CHRM3: variants seen among roughly 807,000 people sequenced by gnomAD.
CHRM3 encodes the protein muscarinic acetylcholine receptor M3.
CHRM3 carries 11 observed loss-of-function variants against 41.8 expected under a neutral mutation model. The observed-to-expected ratio is 0.26, with a 90% CI of 0.17 to 0.44. The LOEUF (loss-of-function observed/expected upper bound fraction) is 0.44, where lower values mean the gene tolerates loss of function less well. Among genes scored for constraint, CHRM3 ranks in the 20% least tolerant of loss-of-function variants. CHRM3 has a pLI of 1.00. For synonymous variants in CHRM3, 297 were observed against 301.4 expected (o/e 0.99, Z 0.15); for missense variants, 571 against 745.4 (o/e 0.77, Z 2.72).
chr1:239,703,007 G>A (rs1180681359), intron 5 of CHRM3, among the ~76,000 whole-genome samples: 4 of 152,128 alleles, frequency 2.6e-5, no homozygotes, highest in Non-Finnish European at 4.4e-5. Flanking sequence ...GTCAGATATT[G>A]TTAAAATTAA....
intron 5 of CHRM3, among the ~76,000 whole-genome samples, chr1:239,749,197 G>A (rs1240998403): frequency 6.6e-6 from 1 of 152,180 alleles, no homozygotes; most frequent in Non-Finnish European, 1.5e-5. Flanking sequence ...TTTAACCCTT[G>A]ACAACTTTGA....
chr1:239,677,342 A>G (rs769013287), intron 4 of CHRM3, among the ~76,000 whole-genome samples: 1 of 152,256 alleles, frequency 6.6e-6, no homozygotes, highest in African/African-American at 2.4e-5. Flanking sequence ...ACTTGTTGCC[A>G]TGAAATAAGT....
chr1:239,708,111 G>C (rs1661365626), intron 5 of CHRM3, among the ~76,000 whole-genome samples: 1 of 152,172 alleles, frequency 6.6e-6, no homozygotes, highest in Admixed American at 6.5e-5. Flanking sequence ...ATAATTGAGG[G>C]TGTGTAATAA....
intron 4 of CHRM3, among the ~76,000 whole-genome samples, chr1:239,658,832 G>A (rs1026350220): frequency 4.0e-5 from 6 of 151,560 alleles, no homozygotes; most frequent in Admixed American, 2.0e-4. Context: ...TCCACCTCCC[G>A]GGTTCAAGCG....
chr1:239,895,847 T>C (rs1678956022), intron 6 of CHRM3, among the ~76,000 whole-genome samples: 1 of 152,128 alleles, frequency 6.6e-6, no homozygotes, highest in African/African-American at 2.4e-5. Flanking sequence ...AGGGAAAGGA[T>C]TGAAAATCTC....
At chr1:239,761,168 A>G (rs1376983938) in intron 5 of CHRM3, among the ~76,000 whole-genome samples, 4 of 152,154 alleles carry the variant, frequency 2.6e-5, no homozygotes, top group Non-Finnish European at 5.9e-5. Flanking sequence ...AAAATATGCT[A>G]TTAATCCAAG....
In CHRM3 at chr1:239,444,151, A is replaced by G. The variant is rs1663945766; in HGVS notation, c.-520-48558A>G. 2.6e-5 allele frequency among the ~76,000 whole-genome samples: 4 copies of G among 152,154 alleles called. No homozygotes were observed. In the South Asian group the frequency reaches 8.3e-4, roughly 32 times the overall value. On this transcript the variant is annotated intron_variant, in intron 1 of 6. Coordinates refer to ENST00000676153, the MANE Select transcript of CHRM3 (RefSeq NM_001375978.1). ...TAAGGACCCTGCCTTAGTCATGAGG[A>G]AAACGCCCGAGGCTGGCTGTGGGTC...
At chr1:239,788,555 C>T (rs192967298) in intron 5 of CHRM3, among the ~76,000 whole-genome samples, 97 of 152,136 alleles carry the variant, frequency 6.4e-4, no homozygotes, top group Middle Eastern at 3.4e-3. Context: ...TCCTTGAGGT[C>T]GGGAGTTCCA....
At chr1:239,703,224 T>C (rs1660848366) in intron 5 of CHRM3, 1 of 152,208 alleles carries the variant, frequency 6.6e-6, no homozygotes, top group African/African-American at 2.4e-5. Flanking sequence ...CTAAGTTGTC[T>C]GGAGATTGCA....
chr1:239,454,422 G>A (rs906548320), intron 1 of CHRM3, among the ~76,000 whole-genome samples: 16 of 152,070 alleles, frequency 1.1e-4, no homozygotes, highest in Admixed American at 4.6e-4. Flanking sequence ...CCCTCTCCAG[G>A]CGAGCCACCT....
intron 1 of CHRM3, among the ~76,000 whole-genome samples, chr1:239,388,949 G>T (rs556883565): frequency 2.0e-5 from 3 of 152,178 alleles, no homozygotes; most frequent in African/African-American, 4.8e-5. Flanking sequence ...GAAATATAAC[G>T]TTCGCTTAAT....
chr1:239,423,971 C>T (rs896815285), intron 1 of CHRM3, among the ~76,000 whole-genome samples: 17 of 147,958 alleles, frequency 1.1e-4, no homozygotes, highest in Admixed American at 1.4e-4. Flanking sequence ...AGGAGAATGG[C>T]GTGAACCCAG....
chr1:239,695,862 C>T (rs573841657), intron 5 of CHRM3, among the ~76,000 whole-genome samples: 19 of 152,174 alleles, frequency 1.2e-4, no homozygotes, highest in East Asian at 9.6e-4. Context: ...TTGGGGAATA[C>T]GCTCAAAAAT....
chr1:239,390,564 C>T (rs990432924), intron 1 of CHRM3, among the ~76,000 whole-genome samples: 5 of 151,416 alleles, frequency 3.3e-5, no homozygotes, highest in Non-Finnish European at 7.4e-5. Flanking sequence ...CCACCCTCCA[C>T]GGAGAGGGTG....
intron 3 of CHRM3, among the ~76,000 whole-genome samples, chr1:239,585,246 T>G (rs972863980): frequency 6.6e-6 from 1 of 152,102 alleles, no homozygotes; most frequent in Non-Finnish European, 1.5e-5. Flanking sequence ...CCTTCCTTTC[T>G]CTTGTGATTA....
intron 4 of CHRM3, among the ~76,000 whole-genome samples, chr1:239,649,510 A>C (rs1672051545): frequency 2.0e-5 from 3 of 152,248 alleles, no homozygotes; most frequent in African/African-American, 4.8e-5. Context: ...CAGTTGATAC[A>C]GATGACCTCA....
At chr1:239,484,732 G>A (rs980462951) in intron 1 of CHRM3, among the ~76,000 whole-genome samples, 2 of 152,098 alleles carry the variant, frequency 1.3e-5, no homozygotes, top group Non-Finnish European at 1.5e-5. Flanking sequence ...GTGAAACATG[G>A]GAACAGGACA....
At chr1:239,526,620 C>A (rs1216309475) in intron 2 of CHRM3, among the ~76,000 whole-genome samples, 1 of 152,122 alleles carries the variant, frequency 6.6e-6, no homozygotes, top group Non-Finnish European at 1.5e-5. Context: ...CTATTAAGTG[C>A]AAATGAATGC....
chr1:239,874,160 C>G (rs2149334563), intron 6 of CHRM3, among the ~76,000 whole-genome samples: 1 of 151,000 alleles, frequency 6.6e-6, no homozygotes, highest in South Asian at 2.1e-4. Context: ...TCCATTTGAA[C>G]TCAGTTTGAA....
Sources: allele counts gnomAD v4.1 joint callset (sites outside exome capture counted in the v4.1 genomes callset), GRCh38; gene constraint gnomAD v4.1.1; transcripts MANE v1.5; gene names NCBI Gene and HGNC (gene_info 2026-07-23, HGNC 2026-07-21).